Variants in GSTM2 observed in about 807,000 individuals in gnomAD.
GSTM2 encodes glutathione S-transferase mu 2.
A neutral mutation model predicts 33.3 loss-of-function variants in GSTM2; 33 were observed. That is an observed-to-expected ratio of 0.99 (90% CI 0.75 to 1.33). The LOEUF (loss-of-function observed/expected upper bound fraction) is 1.33, where lower values mean the gene tolerates loss of function less well. Among genes scored for constraint, GSTM2 ranks in the 40% most tolerant of loss-of-function variants. The probability of loss-of-function intolerance (pLI) is 0.00; values close to 1 mark genes in which losing one functional copy is unlikely to be tolerated. For synonymous variants in GSTM2, 93 were observed against 95.6 expected (o/e 0.97, Z 0.16); for missense variants, 213 against 265.8 (o/e 0.80, Z 1.38).
intron 5 of GSTM2, 37 bp downstream of exon 5, chr1:109,669,608 C>G (rs1348778798): frequency 7.9e-7 from 1 of 1,267,694 alleles, no homozygotes. Flanking sequence ...CTCCCCTTCC[C>G]TACTCCCAGT....
At chr1:109,672,196 C>A (rs1210189826) in intron 7 of GSTM2, among the ~76,000 whole-genome samples, 1 of 152,028 alleles carries the variant, frequency 6.6e-6, no homozygotes, top group African/African-American at 2.4e-5. Flanking sequence ...AGGAGAATCT[C>A]TTGAACCTGG....
At chr1:109,677,125 C>T (rs1306393574), downstream of GSTM2, among the ~76,000 whole-genome samples, 4 of 152,274 alleles carry the variant, frequency 2.6e-5, no homozygotes, top group East Asian at 1.9e-4. Flanking sequence ...AAGTTAAAAA[C>T]CCCTAAGATC....
In GSTM2 at chr1:109,669,235, G is replaced by T; in HGVS notation, c.178-55G>T. On this transcript the variant is annotated intron_variant, in intron 3 of 7. Transcript: ENST00000241337. ...TCTTTGCCCTTGCATATGGGAAGGGGATGCTGGGGAGCCTGGTGGCCCAAC... is the reference window on the plus strand; with the variant it reads ...TCTTTGCCCTTGCATATGGGAAGGGTATGCTGGGGAGCCTGGTGGCCCAAC... The T allele has an allele frequency of 1.9e-6, 3 of 1,597,308 alleles. No homozygotes were observed. The South Asian group carries it at 3.3e-5, about 18-fold the overall frequency.
At chr1:109,670,086 G>A (rs1489750488) in intron 5 of GSTM2, 3 of 152,354 alleles carry the variant, frequency 2.0e-5, no homozygotes, top group African/African-American at 7.3e-5. Context: ...GCTTGGGAAG[G>A]GCGGAGGTGG....
In GSTM2 at chr1:109,671,372, T is replaced by C. The variant is rs1190337080; in HGVS notation, c.446T>C (p.Leu149Pro). 8 of 1,613,468 alleles carry C rather than the reference T, an allele frequency of 5.0e-6. No homozygotes were observed. The South Asian group carries it at 5.5e-5, about 11-fold the overall frequency. ...SQFLGKQPWF[L>P]GDKITFVDFI... ...TTTCTGGGGAAGCAGCCATGGTTTC[T>C]TGGGGACAAGGTAATGGGGGCGTGT... Residue 149 changes from leucine to proline, a missense_variant, in exon 6 of 8, where the codon CTT becomes CCT. Physicochemically the swap from Leu to Pro is moderately conservative, Grantham distance 98. Coordinates refer to ENST00000241337, the MANE Select transcript of GSTM2 (RefSeq NM_000848.4).
intron 7 of GSTM2, 120 bp downstream of exon 7, chr1:109,671,703 C>A: frequency 1.3e-6 from 1 of 745,030 alleles, no homozygotes; most frequent in Non-Finnish European, 2.5e-6. Context: ...TGCGGTGGCT[C>A]ACGCCTGTAA....
Position 109,671,302 on chromosome 1 carries a change from G to T in GSTM2, c.376G>T (p.Glu126Ter), listed in dbSNP as rs1441501817. 3.1e-6 allele frequency: 5 copies of T among 1,613,610 alleles called. No individual in the cohort carries two copies. In the South Asian group the frequency reaches 4.4e-5, roughly 14 times the overall value. ...TCTGCCTCAGGAGAAACTGAAACCAGAATACCTGCAGGCACTCCCTGAAAT... is the reference window on the plus strand; with the variant it reads ...TCTGCCTCAGGAGAAACTGAAACCATAATACCTGCAGGCACTCCCTGAAAT... ...YDPDFEKLKP[E>*]YLQALPEMLK... The change falls in exon 6 of 8, where the codon GAA becomes TAA. Residue 126 changes from glutamate to a stop codon, truncating the protein, a stop_gained. Transcript: ENST00000241337. LOFTEE classifies it high-confidence loss of function.
downstream of GSTM2, among the ~76,000 whole-genome samples, chr1:109,676,129 G>T (rs113529489): frequency 4.9e-3 from 745 of 152,260 alleles, 8 homozygotes; most frequent in African/African-American, 0.016. Context: ...CCCCCATGAT[G>T]GAGTTTTCTG....
chr1:109,680,357 C>G (rs1367141307), intron 7 of GSTM2, among the ~76,000 whole-genome samples: 2 of 150,676 alleles, frequency 1.3e-5, no homozygotes, highest in Admixed American at 1.3e-4. Context: ...CAAGATAAAA[C>G]GCTGCAGCAT....
Position 109,668,436 on chromosome 1 carries a change from C to T in GSTM2, c.48C>T (p.Ser16=), listed in dbSNP as rs1412344202. The T allele has an allele frequency of 6.2e-7, 1 of 1,614,170 alleles. No homozygotes were observed. The highest frequency in any genetic ancestry group is 2.2e-5 in the East Asian group (1 of 44,870). ...GCCATCTCTCCCAGCTGGCCCATTC[C>T]ATCCGCCTGCTCCTGGAATACACAG... ...GYWNIRGLAH[S]IRLLLEYTDS... The change falls in exon 2 of 8, where the codon TCC becomes TCT. Residue 16 remains serine (S), a synonymous_variant. Transcript: ENST00000241337.
At chr1:109,682,559 A>G (rs1376939679) in intron 7 of GSTM2, among the ~76,000 whole-genome samples, 1 of 125,020 alleles carries the variant, frequency 8.0e-6, no homozygotes, top group East Asian at 2.0e-4. Flanking sequence ...ACTATTACAT[A>G]TAACAAGCAA....
chr1:109,671,155 A>T, intron 5 of GSTM2, 132 bp from the exon 6 acceptor site: 1 of 702,418 alleles, frequency 1.4e-6, no homozygotes, highest in East Asian at 2.5e-5. Flanking sequence ...AAGCCTGGAC[A>T]GTGACCCAGT....
At chr1:109,671,007 G>T (rs1351251710) in intron 5 of GSTM2, 1 of 427,222 alleles carries the variant, frequency 2.3e-6, no homozygotes, top group Non-Finnish European at 4.3e-6. Flanking sequence ...AGGTGCTCCT[G>T]GGGCTGACCC....
chr1:109,678,396 C>G (rs1237039479), downstream of GSTM2, among the ~76,000 whole-genome samples: 1 of 152,078 alleles, frequency 6.6e-6, no homozygotes, highest in African/African-American at 2.4e-5. Flanking sequence ...CTCTACCCCT[C>G]AAAGTGCTGG....
chr1:109,668,286 C>T, intron 1 of GSTM2, 135 bp downstream of exon 1: 1 of 1,260,388 alleles, frequency 7.9e-7, no homozygotes, highest in Non-Finnish European at 1.2e-6. Flanking sequence ...TTGCCGCTGT[C>T]TGTGCGTGTG....
At chr1:109,668,633 G>C in intron 2 of GSTM2, 133 bp downstream of exon 2, 1 of 1,081,004 alleles carries the variant, frequency 9.3e-7, no homozygotes, top group Non-Finnish European at 1.4e-6. Flanking sequence ...CCTGAGCCCT[G>C]GTGAGGGAGC....
At chr1:109,671,418 G>A (rs1338596772) in intron 6 of GSTM2, 36 bp downstream of exon 6, 7 of 1,580,332 alleles carry the variant, frequency 4.4e-6, no homozygotes, top group African/African-American at 1.3e-5. Context: ...CCACAGATTT[G>A]TCATACTTCC....
chr1:109,673,377 C>A, intron 7 of GSTM2: 1 of 1,209,592 alleles, frequency 8.3e-7, no homozygotes, highest in South Asian at 1.4e-5. Context: ...GTGTGCTGAA[C>A]TTGTTTGAGA....
rs769261240 is a variant in GSTM2, at chr1:109,669,272, G to A, written c.178-18G>A. 1.9e-6 allele frequency: 3 copies of A among 1,613,922 alleles called. No individual in the cohort carries two copies. The highest frequency in any genetic ancestry group is 1.1e-5 in the South Asian group (1 of 91,054). On this transcript the variant is annotated intron_variant, in intron 3 of 7. Transcript: ENST00000241337. ...CCTGGTGGCCCAACTGAGCTTCCCC[G>A]GTTTCCCATCTATCCAGCTGCCCTA... is the stretch of plus-strand genomic sequence containing the variant.
Sources: gnomAD v4.1 joint callset for allele counts (sites outside exome capture counted in the v4.1 genomes callset) on GRCh38, gnomAD v4.1.1 for gene constraint, MANE v1.5 for transcripts, NCBI Gene and HGNC (gene_info 2026-07-23, HGNC 2026-07-21) for gene names.